Variants in ANTXR2 observed in about 807,000 individuals in gnomAD.
ANTXR2 encodes the protein ANTXR cell adhesion molecule 2.
Under a neutral mutation model 73.7 loss-of-function variants are expected in ANTXR2, and 44 were observed. The observed-to-expected ratio is 0.60, with a 90% CI of 0.47 to 0.77. The LOEUF (loss-of-function observed/expected upper bound fraction) is 0.77. Ranked by LOEUF, ANTXR2 falls within the 30% of genes least tolerant of loss-of-function variation. The probability of loss-of-function intolerance (pLI) is 0.00; values close to 1 mark genes in which losing one functional copy is unlikely to be tolerated. For synonymous variants in ANTXR2, 217 were observed against 205.9 expected (o/e 1.05, Z -0.46); for missense variants, 604 against 592.5 (o/e 1.02, Z -0.20).
intron 16 of ANTXR2, among the ~76,000 whole-genome samples, chr4:79,921,743 T>TGTTC (rs1195717012): frequency 2.0e-5 from 2 of 100,938 alleles, no homozygotes; most frequent in African/African-American, 7.4e-5. Context: ...GTTGTGTTTT[T>TGTTC]GTTTGTTTGT....
intron 12 of ANTXR2, among the ~76,000 whole-genome samples, chr4:79,986,238 G>T (rs1730156465): frequency 6.6e-6 from 1 of 152,096 alleles, no homozygotes. Flanking sequence ...AGCTACTTCA[G>T]GTACAAATCA....
At chr4:80,062,817 C>T (rs994286932) in intron 3 of ANTXR2, among the ~76,000 whole-genome samples, 2 of 152,010 alleles carry the variant, frequency 1.3e-5, no homozygotes, top group South Asian at 2.1e-4. Context: ...GGGTGTGAAC[C>T]CTGGCTCTAG....
chr4:79,977,849 G>T, intron 15 of ANTXR2, 148 bp from the exon 16 acceptor site: 2 of 1,228,882 alleles, frequency 1.6e-6, no homozygotes, highest in Non-Finnish European at 1.1e-6. Flanking sequence ...AAACCTAGAG[G>T]TTCTTATTGC....
intron 7 of ANTXR2, among the ~76,000 whole-genome samples, chr4:80,047,195 C>A (rs1259649031): frequency 6.6e-6 from 1 of 151,250 alleles, no homozygotes; most frequent in Non-Finnish European, 1.5e-5. Context: ...CAATCCCAAC[C>A]AAATTTTTTT....
chr4:80,029,686 T>C (rs945842712), intron 10 of ANTXR2, among the ~76,000 whole-genome samples: 14 of 151,680 alleles, frequency 9.2e-5, no homozygotes, highest in South Asian at 4.2e-4. Context: ...AAGAGGAAGA[T>C]TGCATGATTA....
chr4:79,999,493 T>C (rs1005724367), intron 12 of ANTXR2, among the ~76,000 whole-genome samples: 20 of 152,020 alleles, frequency 1.3e-4, no homozygotes, highest in Non-Finnish European at 2.1e-4. Flanking sequence ...CAGGTAGTTC[T>C]TCATAGGAGT....
At chr4:79,976,018 T>C (rs1342725458) in intron 16 of ANTXR2, among the ~76,000 whole-genome samples, 1 of 151,112 alleles carries the variant, frequency 6.6e-6, no homozygotes, top group African/African-American at 2.4e-5. Context: ...GTTCACGCCA[T>C]TCTCCTGCCT....
intron 16 of ANTXR2, among the ~76,000 whole-genome samples, chr4:79,920,153 C>T (rs1000683559): frequency 2.6e-5 from 4 of 151,758 alleles, no homozygotes; most frequent in Non-Finnish European, 4.4e-5. Context: ...ATTAGCACCC[C>T]TAGTACTCAA....
At chr4:80,061,544 A>G (rs1002859177) in intron 3 of ANTXR2, among the ~76,000 whole-genome samples, 1 of 152,152 alleles carries the variant, frequency 6.6e-6, no homozygotes, top group African/African-American at 2.4e-5. Context: ...TTTTATGATA[A>G]TTAGCCAATT....
rs1419487684 is a variant in ANTXR2 at position 80,072,601 on chromosome 4, C to G, written c.-41G>C. 1.4e-6 allele frequency: 2 copies of G among 1,458,632 alleles called. No homozygotes were observed. Among genetic ancestry groups the G allele is most frequent in the Admixed American group, 2.7e-5 (1 of 37,498 alleles). The allele number at this position is 1,458,632 out of a possible 1,614,324, so 90.4% of individuals were successfully genotyped here. On this transcript the variant is annotated 5_prime_UTR_variant, in exon 1 of 17. Transcript: ENST00000403729. ...CTGAGACTCCCTCCCGCTCGCAGTC[C>G]CCTAAGCTCAGGAGGGTCGCAAAGG...
intron 7 of ANTXR2, among the ~76,000 whole-genome samples, chr4:80,043,075 G>A (rs1733350811): frequency 6.6e-6 from 1 of 151,970 alleles, no homozygotes; most frequent in Non-Finnish European, 1.5e-5. Context: ...GGGGGAGAGA[G>A]GGGAGTGGAG....
In ANTXR2 at chr4:79,907,176, C is replaced by T. The variant is rs1578071577; in HGVS notation, c.*253G>A. 3.7e-6 allele frequency: 2 copies of T among 543,296 alleles called. No individual in the cohort carries two copies. The highest frequency in any genetic ancestry group is 4.2e-4 in the Middle Eastern group (1 of 2,356). 33.7% of individuals were successfully genotyped at this position (543,296 alleles called of 1,614,324 possible). ...AAACCATAGTCTGCAGGTCAATGTT[C>T]CTCTTTATTTTCAATGTCATAAATC... is the stretch of plus-strand genomic sequence containing the variant. On this transcript the variant is annotated 3_prime_UTR_variant, in exon 17 of 17. Coordinates refer to ENST00000403729, the MANE Select transcript of ANTXR2 (RefSeq NM_058172.6).
chr4:80,010,912 T>C (rs1731541269), intron 11 of ANTXR2, among the ~76,000 whole-genome samples: 1 of 151,418 alleles, frequency 6.6e-6, no homozygotes, highest in Admixed American at 6.6e-5. Flanking sequence ...CTTTGGGAGG[T>C]TGAGGTGGGC....
chr4:80,060,308 G>A (rs917524232), intron 3 of ANTXR2, among the ~76,000 whole-genome samples: 4 of 152,152 alleles, frequency 2.6e-5, no homozygotes, highest in African/African-American at 9.7e-5. Context: ...TTGGGTCAGG[G>A]TTATCACTGG....
chr4:80,024,106 T>G (rs1732304006), intron 10 of ANTXR2, among the ~76,000 whole-genome samples: 1 of 152,102 alleles, frequency 6.6e-6, no homozygotes, highest in Non-Finnish European at 1.5e-5. Context: ...AAACAAAAAC[T>G]GAGACATATT....
intron 14 of ANTXR2, among the ~76,000 whole-genome samples, chr4:79,983,597 T>A (rs1729978547): frequency 6.6e-6 from 1 of 152,156 alleles, no homozygotes; most frequent in African/African-American, 2.4e-5. Context: ...TATGCGGTAA[T>A]TTTTTCCAAA....
At chr4:80,009,545 G>A (rs535380469) in intron 11 of ANTXR2, among the ~76,000 whole-genome samples, 1 of 152,146 alleles carries the variant, frequency 6.6e-6, no homozygotes, top group South Asian at 2.1e-4. Flanking sequence ...CTCCATGTCT[G>A]GCATTTAAAA....
chr4:80,059,642 G>A (rs1409266176), intron 3 of ANTXR2, among the ~76,000 whole-genome samples: 1 of 152,082 alleles, frequency 6.6e-6, no homozygotes, highest in Non-Finnish European at 1.5e-5. Flanking sequence ...ACAGACTTCA[G>A]CCACTATGCC....
chr4:79,990,202 A>C (rs1277495671), intron 12 of ANTXR2, among the ~76,000 whole-genome samples: 1 of 144,908 alleles, frequency 6.9e-6, no homozygotes. Context: ...ATCCTTCTTC[A>C]CCAATAATAA....
Sources: allele counts gnomAD v4.1 joint callset (sites outside exome capture counted in the v4.1 genomes callset), GRCh38; gene constraint gnomAD v4.1.1; transcripts MANE v1.5; gene names NCBI Gene and HGNC (gene_info 2026-07-23, HGNC 2026-07-21).